The following VPS8 variants were observed in gnomAD, a reference collection of about 807,000 sequenced individuals.
The protein encoded by VPS8 is vacuolar protein sorting-associated protein 8 homolog.
Under a neutral mutation model 216.4 loss-of-function variants are expected in VPS8, and 129 were observed. That is an observed-to-expected ratio of 0.60 (90% CI 0.52 to 0.69). The LOEUF (loss-of-function observed/expected upper bound fraction) is 0.69, where lower values mean the gene tolerates loss of function less well. Ranked by LOEUF, VPS8 falls within the 30% of genes least tolerant of loss-of-function variation. The pLI is 0.00. For missense variants in VPS8, 1,531 were observed against 1,683.5 expected (o/e 0.91, Z 1.59); for synonymous variants, 571 against 565.4 (o/e 1.01, Z -0.14).
intron 25 of VPS8, among the ~76,000 whole-genome samples, chr3:184,912,204 TAAAAG>T (rs1319904693): frequency 6.6e-6 from 1 of 152,204 alleles, no homozygotes; most frequent in Non-Finnish European, 1.5e-5. Flanking sequence ...GCCGGCTGAA[TAAAAG>T]ACTCTTAATT....
chr3:185,015,614 A>G (rs1047600763), intron 45 of VPS8, among the ~76,000 whole-genome samples: 4 of 152,222 alleles, frequency 2.6e-5, no homozygotes, highest in African/African-American at 9.6e-5. Flanking sequence ...GTTTAAATGT[A>G]GTTATTTTAG....
intron 15 of VPS8, among the ~76,000 whole-genome samples, chr3:184,861,020 C>T (rs1378633300): frequency 1.3e-5 from 2 of 152,088 alleles, no homozygotes; most frequent in Non-Finnish European, 2.9e-5. Context: ...GACAGGATTT[C>T]ACCGTGTTAG....
chr3:184,841,407 AT>A (rs1302094136), intron 7 of VPS8, among the ~76,000 whole-genome samples: 4 of 152,128 alleles, frequency 2.6e-5, no homozygotes, highest in Non-Finnish European at 5.9e-5. Context: ...CTGTAACATC[AT>A]TTTTAATGGC....
intron 44 of VPS8, among the ~76,000 whole-genome samples, chr3:184,996,751 AG>A (rs772935935): frequency 5.8e-4 from 89 of 152,336 alleles, no homozygotes; most frequent in African/African-American, 2.0e-3. Flanking sequence ...TGATGAGTTC[AG>A]GACAAGTGCT....
At chr3:185,018,730 G>A (rs547135449) in intron 45 of VPS8, among the ~76,000 whole-genome samples, 14 of 152,238 alleles carry the variant, frequency 9.2e-5, no homozygotes, top group Admixed American at 8.5e-4. Flanking sequence ...AAAAGGAAAC[G>A]GCTCAAATGT....
chr3:184,868,369 C>A, intron 18 of VPS8: 1 of 258,350 alleles, frequency 3.9e-6, no homozygotes, highest in Non-Finnish European at 7.3e-6. Flanking sequence ...GCGTGCTGTC[C>A]TGTTCCACCA....
intron 1 of VPS8, among the ~76,000 whole-genome samples, chr3:184,819,728 G>A (rs1484552809): frequency 1.3e-5 from 2 of 152,068 alleles, no homozygotes; most frequent in Non-Finnish European, 1.5e-5. Flanking sequence ...GGGGTTAAGG[G>A]CACTACCCCC....
intron 5 of VPS8, among the ~76,000 whole-genome samples, chr3:184,835,661 G>T (rs1258940999): frequency 6.6e-6 from 1 of 151,306 alleles, no homozygotes; most frequent in Non-Finnish European, 1.5e-5. Context: ...GCATTTAATT[G>T]GCATTTTGCA....
At chr3:184,994,096 C>T in intron 43 of VPS8, 33 bp downstream of exon 43, 1 of 1,422,168 alleles carries the variant, frequency 7.0e-7, no homozygotes, top group East Asian at 2.7e-5. Context: ...CTAAGTCTGT[C>T]CTAAGGTAGA....
rs571042116 is a variant in VPS8 at position 185,002,581 on chromosome 3, CTT to C, written c.4002+2723_4002+2724del. ...GTGTACCCTATGCCCAGTGTGTACTCTTTTATCCCTTACTTTGCTCCAGTCCT... is the reference window on the plus strand; with the variant it reads ...GTGTACCCTATGCCCAGTGTGTACTCTTATCCCTTACTTTGCTCCAGTCCT... On this transcript the variant is annotated intron_variant, in intron 45 of 47. Transcript: ENST00000625842. Among the ~76,000 whole-genome samples, 235 of 152,228 alleles carry C rather than the reference CTT, an allele frequency of 1.5e-3. 1 individual carries two copies. Among genetic ancestry groups the C allele is most frequent in the African/African-American group, 5.5e-3 (230 of 41,542 alleles).
rs202065796 is a variant in VPS8 at position 185,001,593 on chromosome 3, G to GT, written c.4002+1740dup. Among the ~76,000 whole-genome samples the GT allele has an allele frequency of 5.9e-3, 851 of 145,442 alleles. 4 individuals are homozygous for GT. The highest frequency in any genetic ancestry group is 0.015 in the African/African-American group (575 of 38,890). On this transcript the variant is annotated intron_variant, in intron 45 of 47. Transcript: ENST00000625842. ...AGCTCCTCAACCCCACCATTTACAGGTTTTTTTTGGAGGTTTCGTTATGTA... is the reference window on the plus strand; with the variant it reads ...AGCTCCTCAACCCCACCATTTACAGGTTTTTTTTTGGAGGTTTCGTTATGTA...
At chr3:185,019,728 T>C (rs1490138775) in intron 45 of VPS8, among the ~76,000 whole-genome samples, 1 of 152,236 alleles carries the variant, frequency 6.6e-6, no homozygotes, top group Non-Finnish European at 1.5e-5. Context: ...ATCACGAGCA[T>C]GTCACAATGC....
At chr3:184,979,366 G>T (rs965857424) in intron 40 of VPS8, among the ~76,000 whole-genome samples, 3 of 152,072 alleles carry the variant, frequency 2.0e-5, no homozygotes, top group African/African-American at 7.2e-5. Context: ...CTAGTTTTCT[G>T]CCTCGATAAT....
At chr3:184,918,981 G>A (rs370297436) in intron 28 of VPS8, 1 of 152,018 alleles carries the variant, frequency 6.6e-6, no homozygotes, top group African/African-American at 2.4e-5. Flanking sequence ...TTGGTAACTC[G>A]TTTCAGCATT....
At chr3:184,985,353 AT>A (rs576202961) in intron 42 of VPS8, among the ~76,000 whole-genome samples, 1 of 151,926 alleles carries the variant, frequency 6.6e-6, no homozygotes, top group South Asian at 2.1e-4. Flanking sequence ...AGCTTTTTTT[AT>A]TTGTTTATGT....
intron 40 of VPS8, among the ~76,000 whole-genome samples, chr3:184,981,688 G>A (rs1055177123): frequency 2.0e-5 from 3 of 151,844 alleles, no homozygotes; most frequent in Admixed American, 6.6e-5. Context: ...TGCCCGCCTC[G>A]GCCTCCCAAA....
chr3:184,896,297 T>C lies in VPS8; in HGVS notation c.2004+1372T>C, dbSNP rs543207665. 3.3e-5 allele frequency among the ~76,000 whole-genome samples: 5 copies of C among 152,278 alleles called. 1 individual carries two copies. In the South Asian group the frequency reaches 1.0e-3, roughly 32 times the overall value. On this transcript the variant is annotated intron_variant, in intron 23 of 47. Coordinates refer to ENST00000625842, the MANE Select transcript of VPS8 (RefSeq NM_001009921.3). ...TCACATACAGGAAAAAAATTTAATT[T>C]CTTCTATTTATAATACTTTATAACA...
Position 184,915,137 on chromosome 3 carries a change from C to A in VPS8, c.2262+84C>A. 4 of 1,482,734 alleles carry A rather than the reference C, an allele frequency of 2.7e-6. No homozygotes were observed. The South Asian group carries it at 3.4e-5, about 13-fold the overall frequency. The allele number at this position is 1,482,734 out of a possible 1,614,324, so 91.8% of individuals were successfully genotyped here. On this transcript the variant is annotated intron_variant, in intron 27 of 47. Coordinates refer to ENST00000625842, the MANE Select transcript of VPS8 (RefSeq NM_001009921.3). ...AGACAAATTGCAGTTGAGGCTTACACGTGGGTCAGGAGCTATCACCTGTTG... is the reference window on the plus strand; with the variant it reads ...AGACAAATTGCAGTTGAGGCTTACAAGTGGGTCAGGAGCTATCACCTGTTG...
chr3:185,049,581 C>T (rs1170594361), intron 47 of VPS8, among the ~76,000 whole-genome samples: 3 of 152,118 alleles, frequency 2.0e-5, no homozygotes, highest in Non-Finnish European at 4.4e-5. Flanking sequence ...TGCTGCCTGG[C>T]TACCCTTTCT....
Sources: allele counts gnomAD v4.1 joint callset (sites outside exome capture counted in the v4.1 genomes callset), GRCh38; gene constraint gnomAD v4.1.1; transcripts MANE v1.5; gene names NCBI Gene and HGNC (gene_info 2026-07-23, HGNC 2026-07-21).